SPON1: variants seen among roughly 807,000 people sequenced by gnomAD.
SPON1 encodes the protein spondin-1.
Under a neutral mutation model 111.7 loss-of-function variants are expected in SPON1, and 52 were observed. The observed-to-expected ratio is 0.47, with a 90% CI of 0.37 to 0.59. The LOEUF is 0.59. SPON1 is among the 20% of genes least tolerant of loss of function. The probability of loss-of-function intolerance (pLI) is 0.00; values close to 1 mark genes in which losing one functional copy is unlikely to be tolerated. For synonymous variants in SPON1, 410 were observed against 395.8 expected, an observed-to-expected ratio of 1.04 and a Z score of -0.43; for missense variants, 957 against 1,068.5, an observed-to-expected ratio of 0.90 and a Z score of 1.46.
chr11:14,236,452 A>C (rs1414841799), intron 6 of SPON1, among the ~76,000 whole-genome samples: 1 of 152,094 alleles, frequency 6.6e-6, no homozygotes, highest in Non-Finnish European at 1.5e-5. Context: ...CACGTTGTTG[A>C]GTTTGAGATG....
In SPON1 at chr11:14,089,940, A is replaced by G. The variant is rs148321183; in HGVS notation, c.676+9919A>G. ...CCAGTCTGAACTTCCCAGCCTCCTT[A>G]GCACTGTCGGGGAAAACTGCTTACT... On this transcript the variant is annotated intron_variant, in intron 5 of 15. Coordinates refer to ENST00000576479, the MANE Select transcript of SPON1 (RefSeq NM_006108.4). Among the ~76,000 whole-genome samples, 69 of 152,202 alleles carry G rather than the reference A, an allele frequency of 4.5e-4. No homozygotes were observed. In the East Asian group the frequency reaches 0.013, roughly 29 times the overall value.
chr11:13,967,599 T>C (rs17462807), intron 1 of SPON1, among the ~76,000 whole-genome samples: 16,557 of 151,774 alleles, frequency 0.11, 1,195 homozygotes, highest in South Asian at 0.17. Flanking sequence ...ACAGATGTTA[T>C]ATGACCATGC....
At chr11:14,265,199 A>C (rs1438726553) in intron 15 of SPON1, among the ~76,000 whole-genome samples, 2 of 152,098 alleles carry the variant, frequency 1.3e-5, no homozygotes, top group Non-Finnish European at 2.9e-5. Context: ...GCTTGCTTAC[A>C]TGGTAGTAGA....
At position 14,257,874 on chromosome 11, in the gene SPON1, A is replaced by G. The variant is rs781905113; in HGVS notation, c.1468A>G (p.Met490Val). 1.3e-5 allele frequency: 20 copies of G among 1,570,198 alleles called. No homozygotes were observed. Among genetic ancestry groups the G allele is most frequent in the Non-Finnish European group, 1.2e-5 (14 of 1,158,534 alleles). Reference protein sequence around the residue: ...CPDTQDFQPCMGPGCSDEDGS... With the variant: ...CPDTQDFQPCVGPGCSDEDGS... ...TGACACCCAGGACTTCCAGCCCTGC[A>G]TGGGCCCTGGCTGCAGTGACGAAGG... The change falls in exon 11 of 16, where the codon ATG becomes GTG. Residue 490 changes from methionine (M) to valine (V), a missense_variant. Met to Val is a conservative substitution (Grantham distance 21, BLOSUM62 1). Around this residue, in one of 5 missense-constraint regions of SPON1, gnomAD observed 549 missense variants for 606.2 expected, o/e 0.91. Transcript: ENST00000576479.
intron 3 of SPON1, among the ~76,000 whole-genome samples, chr11:14,073,053 A>T (rs2133828817): frequency 6.6e-6 from 1 of 152,308 alleles, no homozygotes; most frequent in South Asian, 2.1e-4. Context: ...ACAATGAGGT[A>T]TCTTGGGATG....
chr11:14,036,082 G>T (rs1591357834), intron 2 of SPON1, among the ~76,000 whole-genome samples: 1 of 152,244 alleles, frequency 6.6e-6, no homozygotes, highest in East Asian at 1.9e-4. Flanking sequence ...AGCAAGGAGG[G>T]AGATGGCACA....
intron 5 of SPON1, among the ~76,000 whole-genome samples, chr11:14,088,544 C>T (rs527754385): frequency 3.1e-4 from 47 of 152,156 alleles, no homozygotes; most frequent in African/African-American, 1.1e-3. Flanking sequence ...CCTGACCTTT[C>T]TCTCTGGCTG....
intron 6 of SPON1, among the ~76,000 whole-genome samples, chr11:14,218,266 G>A (rs1034371551): frequency 2.0e-5 from 3 of 152,008 alleles, no homozygotes; most frequent in African/African-American, 2.4e-5. Context: ...TCTCCCTCCC[G>A]AGTCCTCTCT....
chr11:13,978,848 GA>G (rs1396057264), intron 1 of SPON1, among the ~76,000 whole-genome samples: 2 of 152,200 alleles, frequency 1.3e-5, no homozygotes, highest in South Asian at 2.1e-4. Flanking sequence ...TCCAAGGATT[GA>G]AATGTAGTAT....
chr11:14,200,808 C>CCAT (rs1848453432), intron 6 of SPON1, among the ~76,000 whole-genome samples: 1 of 117,100 alleles, frequency 8.5e-6, no homozygotes, highest in Non-Finnish European at 1.7e-5. Context: ...GAGCAAGACC[C>CCAT]TGTCTTAAAA....
intron 2 of SPON1, among the ~76,000 whole-genome samples, chr11:14,000,888 A>G (rs1325654298): frequency 6.6e-6 from 1 of 152,164 alleles, no homozygotes; most frequent in African/African-American, 2.4e-5. Context: ...TGGCCACTTA[A>G]TTTAAACTTG....
chr11:14,169,760 C>T (rs1848074808), intron 6 of SPON1, among the ~76,000 whole-genome samples: 2 of 152,136 alleles, frequency 1.3e-5, no homozygotes, highest in South Asian at 2.1e-4. Context: ...GGAATCCTTT[C>T]CCCATTGCTT....
At chr11:14,089,951 G>A (rs947982644) in intron 5 of SPON1, among the ~76,000 whole-genome samples, 2 of 152,080 alleles carry the variant, frequency 1.3e-5, no homozygotes, top group African/African-American at 4.8e-5. Context: ...GCACTGTCGG[G>A]GAAAACTGCT....
intron 5 of SPON1, among the ~76,000 whole-genome samples, chr11:14,089,684 C>T (rs1246505215): frequency 6.6e-6 from 1 of 152,074 alleles, no homozygotes; most frequent in Non-Finnish European, 1.5e-5. Flanking sequence ...TCCTCCTTGT[C>T]AGGATCTGCT....
intron 1 of SPON1, among the ~76,000 whole-genome samples, chr11:13,967,940 C>CA (rs1446922031): frequency 6.6e-6 from 1 of 152,088 alleles, no homozygotes; most frequent in Admixed American, 6.5e-5. Flanking sequence ...TAAAAACATA[C>CA]AAAAAAGCAT....
intron 1 of SPON1, among the ~76,000 whole-genome samples, chr11:13,968,004 T>C (rs1423352920): frequency 6.6e-6 from 1 of 152,224 alleles, no homozygotes; most frequent in African/African-American, 2.4e-5. Flanking sequence ...CATACACAGA[T>C]AAGCTGTTTC....
chr11:13,995,270 T>TG (rs61145094), intron 2 of SPON1, among the ~76,000 whole-genome samples: 7,178 of 152,202 alleles, frequency 0.047, 553 homozygotes, highest in African/African-American at 0.16. Flanking sequence ...CTAGGCTCTG[T>TG]GATATGGAGA....
intron 6 of SPON1, among the ~76,000 whole-genome samples, chr11:14,154,307 A>G (rs1036841713): frequency 6.6e-6 from 1 of 152,204 alleles, no homozygotes; most frequent in Non-Finnish European, 1.5e-5. Context: ...CTGCCATGAC[A>G]TACAGGTGTT....
intron 5 of SPON1, among the ~76,000 whole-genome samples, chr11:14,116,644 G>T (rs1330728433): frequency 1.3e-5 from 2 of 151,964 alleles, no homozygotes; most frequent in Non-Finnish European, 2.9e-5. Flanking sequence ...AAAAAGCTTT[G>T]ATATCTGGGA....
Sources: allele counts gnomAD v4.1 joint callset (sites outside exome capture counted in the v4.1 genomes callset), GRCh38; gene constraint gnomAD v4.1.1; regional missense constraint gnomAD v4.1.1; transcripts MANE v1.5; gene names NCBI Gene and HGNC (gene_info 2026-07-23, HGNC 2026-07-21).